Variants in ADGRL3 observed in about 807,000 individuals in gnomAD.
The protein encoded by ADGRL3 is adhesion G protein-coupled receptor L3.
Under a neutral mutation model 153.5 loss-of-function variants are expected in ADGRL3, and 62 were observed. That is an observed-to-expected ratio of 0.40 (90% CI 0.33 to 0.50). ADGRL3 has a LOEUF of 0.50. ADGRL3 is among the 20% of genes least tolerant of loss of function. The probability of loss-of-function intolerance (pLI) is 0.47; values close to 1 mark genes in which losing one functional copy is unlikely to be tolerated. For synonymous variants in ADGRL3, 710 were observed against 672.5 expected (o/e 1.06, Z -0.86); for missense variants, 1,641 against 1,859.4 (o/e 0.88, Z 2.16).
At chr4:61,744,503 C>A (rs112345269) in intron 8 of ADGRL3, among the ~76,000 whole-genome samples, 2,308 of 152,198 alleles carry the variant, frequency 0.015, 70 homozygotes, top group African/African-American at 0.051. Flanking sequence ...GCCGGGTACT[C>A]CTCTGAGACA....
At chr4:61,240,314 T>C (rs1416758858) in intron 1 of ADGRL3, among the ~76,000 whole-genome samples, 4 of 152,074 alleles carry the variant, frequency 2.6e-5, no homozygotes, top group African/African-American at 4.8e-5. Flanking sequence ...CCTATTAAAG[T>C]CCCCTTCTCG....
chr4:61,416,795 G>A (rs1169932820), intron 2 of ADGRL3, among the ~76,000 whole-genome samples: 1 of 152,048 alleles, frequency 6.6e-6, no homozygotes, highest in Non-Finnish European at 1.5e-5. Context: ...ATGGTTTTAG[G>A]ATGATTCAAC....
At chr4:62,017,675 A>G (rs1327314348) in intron 21 of ADGRL3, among the ~76,000 whole-genome samples, 6 of 152,154 alleles carry the variant, frequency 3.9e-5, no homozygotes, top group Non-Finnish European at 7.3e-5. Context: ...TCAGAGGACA[A>G]AAAATATATT....
chr4:61,645,501 C>T (rs1170340060), intron 5 of ADGRL3, among the ~76,000 whole-genome samples: 1 of 151,736 alleles, frequency 6.6e-6, no homozygotes, highest in African/African-American at 2.4e-5. Context: ...AATCTCTCAG[C>T]ATTTGCTTAT....
chr4:61,519,127 A>C (rs923371507), intron 4 of ADGRL3, among the ~76,000 whole-genome samples: 2 of 152,330 alleles, frequency 1.3e-5, no homozygotes, highest in South Asian at 4.1e-4. Context: ...ACTAATGTAA[A>C]CACAAACACA....
chr4:61,446,066 T>A (rs2097578287), intron 2 of ADGRL3, among the ~76,000 whole-genome samples: 2 of 152,154 alleles, frequency 1.3e-5, no homozygotes, highest in Non-Finnish European at 2.9e-5. Context: ...AGGTATGTGG[T>A]GTCGGCACAA....
chr4:61,228,551 G>T (rs1420729522), intron 1 of ADGRL3, among the ~76,000 whole-genome samples: 1 of 152,098 alleles, frequency 6.6e-6, no homozygotes, highest in African/African-American at 2.4e-5. Context: ...AAATGTTCTA[G>T]ATTAAAACTA....
chr4:61,475,114 G>C (rs1432493207), intron 2 of ADGRL3, among the ~76,000 whole-genome samples: 2 of 152,156 alleles, frequency 1.3e-5, no homozygotes, highest in African/African-American at 4.8e-5. Flanking sequence ...TCAACATTCT[G>C]AACGGAGTTA....
chr4:61,857,644 T>TTTCCTTCC (rs1192000765), intron 9 of ADGRL3, among the ~76,000 whole-genome samples: 1 of 149,896 alleles, frequency 6.7e-6, no homozygotes, highest in African/African-American at 2.5e-5. Context: ...TTTCTGTCTT[T>TTTCCTTCC]TTCCTTCCTT....
intron 9 of ADGRL3, among the ~76,000 whole-genome samples, chr4:61,881,338 G>C (rs1660175535): frequency 1.3e-5 from 2 of 152,118 alleles, no homozygotes; most frequent in South Asian, 4.1e-4. Context: ...TGTTTTTACT[G>C]TTCACTTTAA....
At chr4:61,676,785 T>C in intron 5 of ADGRL3, 41 bp from the exon 6 acceptor site, 1 of 1,303,374 alleles carries the variant, frequency 7.7e-7, no homozygotes, top group Non-Finnish European at 1.1e-6. Context: ...AATTTAACTT[T>C]GCATAAGCTT....
chr4:61,336,541 G>A (rs958661753), intron 1 of ADGRL3, among the ~76,000 whole-genome samples: 2 of 152,144 alleles, frequency 1.3e-5, no homozygotes, highest in African/African-American at 4.8e-5. Flanking sequence ...AGAGCATGGA[G>A]GTTACAGGTT....
chr4:61,855,115 T>A (rs1403435675), intron 9 of ADGRL3, among the ~76,000 whole-genome samples: 2 of 152,212 alleles, frequency 1.3e-5, no homozygotes, highest in African/African-American at 4.8e-5. Context: ...AATGAAATTT[T>A]AAAAACTATG....
intron 2 of ADGRL3, among the ~76,000 whole-genome samples, chr4:61,388,919 C>T (rs1424395977): frequency 1.3e-5 from 2 of 152,310 alleles, no homozygotes; most frequent in Admixed American, 6.5e-5. Context: ...GTAGCCTCTA[C>T]CCCCATCTCC....
intron 2 of ADGRL3, among the ~76,000 whole-genome samples, chr4:61,439,980 A>G (rs942511784): frequency 1.3e-5 from 2 of 152,142 alleles, no homozygotes; most frequent in African/African-American, 2.4e-5. Context: ...AATTTCTGCT[A>G]TCCCCATCAA....
chr4:61,788,359 ACT>A lies in ADGRL3; in HGVS notation c.1400-25447_1400-25446del, dbSNP rs1429582587. On this transcript the variant is annotated intron_variant, in intron 8 of 26. Coordinates refer to ENST00000683033, the MANE Select transcript of ADGRL3 (RefSeq NM_001387552.1). ...AACTGAAGACAGATCACATCACATG[ACT>A]CTTTGCAGATACTCCCTTATACCAG... Among the ~76,000 whole-genome samples the A allele has an allele frequency of 7.2e-5, 11 of 152,118 alleles. No individual in the cohort carries two copies. The East Asian group carries it at 1.9e-3, about 27-fold the overall frequency.
At position 61,960,366 on chromosome 4, in the gene ADGRL3, G is replaced by T. The variant is rs2098983139; in HGVS notation, c.2805+12090G>T. Reference sequence around the variant, plus strand: ...CAAGACCCTGAACCAGGATGATTTTGATATGTTTGAGGAGCTGCAAGGAGA... The same window carrying T: ...CAAGACCCTGAACCAGGATGATTTTTATATGTTTGAGGAGCTGCAAGGAGA... On this transcript the variant is annotated intron_variant, in intron 17 of 26. Transcript: ENST00000683033. Among the ~76,000 whole-genome samples the T allele has an allele frequency of 4.6e-5, 7 of 152,142 alleles. No homozygotes were observed. In the South Asian group the frequency reaches 1.4e-3, roughly 31 times the overall value.
At chr4:61,629,513 T>G (rs954563986) in intron 5 of ADGRL3, among the ~76,000 whole-genome samples, 1 of 151,020 alleles carries the variant, frequency 6.6e-6, no homozygotes, top group African/African-American at 2.4e-5. Flanking sequence ...GGTCAGGAGT[T>G]TAAGACCAGC....
At chr4:61,949,088 A>G (rs918327659) in intron 17 of ADGRL3, among the ~76,000 whole-genome samples, 6 of 151,834 alleles carry the variant, frequency 4.0e-5, no homozygotes, top group Admixed American at 3.3e-4. Context: ...ACTGAGTAAT[A>G]CTAATACTCA....
Sources: allele counts gnomAD v4.1 joint callset (sites outside exome capture counted in the v4.1 genomes callset), GRCh38; gene constraint gnomAD v4.1.1; transcripts MANE v1.5; gene names NCBI Gene and HGNC (gene_info 2026-07-23, HGNC 2026-07-21).